Variants in SORCS2 observed in about 807,000 individuals in gnomAD.
The protein encoded by SORCS2 is VPS10 domain-containing receptor SorCS2.
Under a neutral mutation model 141.6 loss-of-function variants are expected in SORCS2, and 100 were observed. That is an observed-to-expected ratio of 0.71 (90% CI 0.60 to 0.83). The LOEUF (loss-of-function observed/expected upper bound fraction) is 0.83, where lower values mean the gene tolerates loss of function less well. Ranked by LOEUF, SORCS2 falls within the 40% of genes least tolerant of loss-of-function variation. The probability of loss-of-function intolerance (pLI) is 0.00; values close to 1 mark genes in which losing one functional copy is unlikely to be tolerated. For synonymous variants in SORCS2, 789 were observed against 676.9 expected (o/e 1.17, Z -2.57); for missense variants, 1,646 against 1,560.2 (o/e 1.05, Z -0.93).
At chr4:7,410,460 C>T (rs1437146745) in intron 2 of SORCS2, among the ~76,000 whole-genome samples, 1 of 152,200 alleles carries the variant, frequency 6.6e-6, no homozygotes, top group East Asian at 1.9e-4. Flanking sequence ...GGTGACCTCT[C>T]TGGGTCTCCT....
rs1016305258 is a variant in SORCS2 at position 7,610,616 on chromosome 4, A to G, written c.649-27712A>G. On this transcript the variant is annotated intron_variant, in intron 3 of 26. Coordinates refer to ENST00000507866, the MANE Select transcript of SORCS2 (RefSeq NM_020777.3). ...GGGGGGGTCCTTAAGTACCTTAAAAATGCAGGCAGAGTGGTGTGGAGGGGG... is the reference window on the plus strand; with the variant it reads ...GGGGGGGTCCTTAAGTACCTTAAAAGTGCAGGCAGAGTGGTGTGGAGGGGG... Among the ~76,000 whole-genome samples, 4 of 152,330 alleles carry G rather than the reference A, an allele frequency of 2.6e-5. No individual in the cohort carries two copies. In the South Asian group the frequency reaches 6.2e-4, roughly 24 times the overall value.
At chr4:7,595,348 TG>T (rs1560413168) in intron 3 of SORCS2, among the ~76,000 whole-genome samples, 1 of 152,264 alleles carries the variant, frequency 6.6e-6, no homozygotes, top group South Asian at 2.1e-4. Context: ...AGGGGGTTTG[TG>T]GGGGCTTCAT....
At chr4:7,592,936 G>A (rs1390443038) in intron 3 of SORCS2, among the ~76,000 whole-genome samples, 4 of 152,194 alleles carry the variant, frequency 2.6e-5, no homozygotes, top group Non-Finnish European at 5.9e-5. Flanking sequence ...TGCTATGGAG[G>A]TGCTGCTTGG....
intron 11 of SORCS2, among the ~76,000 whole-genome samples, chr4:7,696,969 G>A (rs939167669): frequency 2.6e-5 from 4 of 152,182 alleles, no homozygotes; most frequent in African/African-American, 4.8e-5. Context: ...CACCTGTCCC[G>A]GGCCTCTGCT....
intron 6 of SORCS2, among the ~76,000 whole-genome samples, 179 bp downstream of exon 6, chr4:7,661,743 A>G (rs553623299): frequency 6.6e-6 from 1 of 152,284 alleles, no homozygotes; most frequent in South Asian, 2.1e-4. Flanking sequence ...GAGGAATCGA[A>G]GTCAGGGAGC....
intron 1 of SORCS2, among the ~76,000 whole-genome samples, chr4:7,302,786 TGTGCGCGCGC>T (rs1717522418): frequency 6.6e-6 from 1 of 151,142 alleles, no homozygotes; most frequent in African/African-American, 2.4e-5. Context: ...TGTGTGTGTG[TGTGCGCGCGC>T]GTGTGTGTGT....
At chr4:7,309,436 C>T (rs1718043024) in intron 1 of SORCS2, among the ~76,000 whole-genome samples, 1 of 152,126 alleles carries the variant, frequency 6.6e-6, no homozygotes, top group Admixed American at 6.5e-5. Flanking sequence ...AGGCCTTTCC[C>T]TTGAGGCAGG....
chr4:7,228,843 G>A (rs1711593969), intron 1 of SORCS2, among the ~76,000 whole-genome samples: 1 of 152,208 alleles, frequency 6.6e-6, no homozygotes, highest in Admixed American at 6.5e-5. Context: ...TAAAACAGGG[G>A]AGTGCCCCAT....
chr4:7,444,632 G>A (rs1727876763), intron 2 of SORCS2, among the ~76,000 whole-genome samples: 2 of 152,174 alleles, frequency 1.3e-5, no homozygotes, highest in Non-Finnish European at 2.9e-5. Context: ...TGAGGGTAGT[G>A]GGGAGCCATA....
At chr4:7,246,141 G>A (rs1241407449) in intron 1 of SORCS2, among the ~76,000 whole-genome samples, 2 of 152,232 alleles carry the variant, frequency 1.3e-5, no homozygotes, top group Non-Finnish European at 2.9e-5. Context: ...AGTCCTGGGT[G>A]AGTACTGACA....
intron 1 of SORCS2, among the ~76,000 whole-genome samples, chr4:7,341,648 A>G (rs886917397): frequency 2.6e-5 from 4 of 152,208 alleles, no homozygotes; most frequent in African/African-American, 9.7e-5. Flanking sequence ...AGGGCCAGGG[A>G]CCACATGTGC....
At chr4:7,550,772 T>C (rs1470990343) in intron 3 of SORCS2, among the ~76,000 whole-genome samples, 1 of 152,222 alleles carries the variant, frequency 6.6e-6, no homozygotes, top group African/African-American at 2.4e-5. Flanking sequence ...TGGAGTCATT[T>C]TACCAAACAA....
At chr4:7,643,592 G>A (rs1227825614) in intron 4 of SORCS2, among the ~76,000 whole-genome samples, 5 of 152,098 alleles carry the variant, frequency 3.3e-5, no homozygotes, top group African/African-American at 1.2e-4. Context: ...GTTCGAACAG[G>A]GGCTTAAAGA....
At chr4:7,469,174 A>ATGG (rs1280259959) in intron 2 of SORCS2, among the ~76,000 whole-genome samples, 1 of 151,370 alleles carries the variant, frequency 6.6e-6, no homozygotes, top group Admixed American at 6.6e-5. Flanking sequence ...GGTCCTGGTG[A>ATGG]TGGTGGTGAT....
intron 3 of SORCS2, among the ~76,000 whole-genome samples, chr4:7,551,287 C>G (rs560514924): frequency 0.1 from 1,468 of 14,676 alleles, 22 homozygotes; most frequent in Middle Eastern, 0.19. Flanking sequence ...TTCCATGGGT[C>G]TTCTTCTTCC....
chr4:7,211,453 G>A (rs925308499), intron 1 of SORCS2, among the ~76,000 whole-genome samples: 2 of 152,082 alleles, frequency 1.3e-5, no homozygotes, highest in African/African-American at 2.4e-5. Context: ...GCAGTGGCGC[G>A]ATCTCCGCCT....
chr4:7,387,937 G>A (rs28585083), intron 1 of SORCS2, among the ~76,000 whole-genome samples: 9 of 48,742 alleles, frequency 1.8e-4, no homozygotes, highest in Non-Finnish European at 2.6e-4. Context: ...TGCACACACC[G>A]ATACACATAC....
intron 2 of SORCS2, among the ~76,000 whole-genome samples, chr4:7,500,964 C>G (rs1731935586): frequency 1.3e-5 from 2 of 152,222 alleles, no homozygotes; most frequent in Non-Finnish European, 2.9e-5. Context: ...TCCCAGGGAG[C>G]TCGGCTCAAG....
chr4:7,435,788 C>T (rs1450421719), intron 2 of SORCS2, among the ~76,000 whole-genome samples: 4 of 152,376 alleles, frequency 2.6e-5, no homozygotes, highest in Admixed American at 6.5e-5. Flanking sequence ...AGGCGCCTTG[C>T]GTCGGGTCCT....
Sources: allele counts gnomAD v4.1 joint callset (sites outside exome capture counted in the v4.1 genomes callset), GRCh38; gene constraint gnomAD v4.1.1; transcripts MANE v1.5; gene names NCBI Gene and HGNC (gene_info 2026-07-23, HGNC 2026-07-21).